Variants in FGF14 observed in about 807,000 individuals in gnomAD.
The protein encoded by FGF14 is fibroblast growth factor 14.
FGF14 carries 5 observed loss-of-function variants against 25.5 expected under a neutral mutation model. The ratio of observed to expected loss-of-function variants is 0.20; its 90% confidence interval spans 0.10 to 0.41. The LOEUF (loss-of-function observed/expected upper bound fraction) is 0.41. FGF14 is among the 10% of genes least tolerant of loss of function. The pLI, the probability that FGF14 is intolerant of heterozygous loss-of-function variation, is 1.00. For missense variants in FGF14, 222 were observed against 320.1 expected, an observed-to-expected ratio of 0.69 and a Z score of 2.34; for synonymous variants, 138 against 118.3, an observed-to-expected ratio of 1.17 and a Z score of -1.08.
chr13:102,014,658 A>G (rs1354336968), intron 1 of FGF14, among the ~76,000 whole-genome samples: 1 of 152,208 alleles, frequency 6.6e-6, no homozygotes, highest in Non-Finnish European at 1.5e-5. Flanking sequence ...ATGGCTTTTG[A>G]TTATTCAAAA....
chr13:102,054,081 G>A (rs972122214), intron 1 of FGF14, among the ~76,000 whole-genome samples: 2 of 152,224 alleles, frequency 1.3e-5, no homozygotes, highest in African/African-American at 4.8e-5. Flanking sequence ...TATAGATTTT[G>A]CAGCATCCTT....
intron 1 of FGF14, among the ~76,000 whole-genome samples, chr13:102,032,504 A>C (rs1274780768): frequency 1.3e-5 from 2 of 152,166 alleles, no homozygotes; most frequent in Non-Finnish European, 2.9e-5. Context: ...ATTTTGAGTA[A>C]TGACATAGTT....
At position 102,089,444 on chromosome 13, in the gene FGF14, T is replaced by C. The variant is rs1373965974; in HGVS notation, c.209-214148A>G. Among the ~76,000 whole-genome samples, 5 of 152,200 alleles carry C rather than the reference T, an allele frequency of 3.3e-5. No individual in the cohort carries two copies. The East Asian group carries it at 7.7e-4, about 23-fold the overall frequency. On this transcript the variant is annotated intron_variant, in intron 1 of 4. Transcript: ENST00000376131. ...CCATTCATGCCCTGCAGTGTGACTA[T>C]AAGAAGCACTAATATACCTGGATAA...
chr13:102,229,122 C>A (rs1230756957), intron 1 of FGF14, among the ~76,000 whole-genome samples: 1 of 152,132 alleles, frequency 6.6e-6, no homozygotes, highest in Admixed American at 6.5e-5. Context: ...ACGTAGAAGA[C>A]CTAGAAGGAG....
chr13:102,126,529 G>A (rs2045956338), intron 1 of FGF14, among the ~76,000 whole-genome samples: 1 of 152,142 alleles, frequency 6.6e-6, no homozygotes, highest in Non-Finnish European at 1.5e-5. Flanking sequence ...AATCAACACT[G>A]GAGAACAAGT....
intron 1 of FGF14, among the ~76,000 whole-genome samples, chr13:102,352,000 T>A (rs1252320408): frequency 1.3e-5 from 2 of 152,220 alleles, no homozygotes; most frequent in African/African-American, 4.8e-5. Context: ...AGGACTTGAA[T>A]GCAAGTCCCA....
At chr13:102,160,136 G>A (rs611999) in intron 1 of FGF14, among the ~76,000 whole-genome samples, 3,982 of 152,178 alleles carry the variant, frequency 0.026, 174 homozygotes, top group African/African-American at 0.091. Flanking sequence ...AGAAGGGAAG[G>A]AAATAAGGGT....
intron 1 of FGF14, among the ~76,000 whole-genome samples, chr13:102,200,462 A>G (rs2049565161): frequency 6.6e-6 from 1 of 152,216 alleles, no homozygotes; most frequent in African/African-American, 2.4e-5. Context: ...GCTATACACC[A>G]TAAAAAATGC....
intron 1 of FGF14, among the ~76,000 whole-genome samples, chr13:102,000,342 C>A (rs2039423878): frequency 6.6e-6 from 1 of 152,088 alleles, no homozygotes; most frequent in South Asian, 2.1e-4. Flanking sequence ...AAAAAAATCT[C>A]ATGTTCTAGA....
Position 101,717,637 on chromosome 13 carries a change from G to C in FGF14, c.*5194C>G, listed in dbSNP as rs1056397249. On this transcript the variant is annotated 3_prime_UTR_variant, in exon 5 of 5. Coordinates refer to ENST00000376143, the MANE Select transcript of FGF14 (RefSeq NM_004115.4). ...AAGGATCAGAAAGTTAAACTTTACG[G>C]ACCACGTACGTCCCTGTCTCATATT... 6.6e-6 allele frequency: 1 copy of C among 151,762 alleles called. No homozygotes were observed. The highest frequency in any genetic ancestry group is 1.5e-5 in the Non-Finnish European group (1 of 67,928). 9.4% of individuals were successfully genotyped at this position (151,762 alleles called of 1,614,324 possible). A position where few individuals can be genotyped will look rare whatever the true frequency, so the allele number is the denominator to read the frequency against.
intron 1 of FGF14, among the ~76,000 whole-genome samples, chr13:102,257,577 C>G (rs538961587): frequency 6.6e-6 from 1 of 152,004 alleles, no homozygotes; most frequent in South Asian, 2.1e-4. Flanking sequence ...AAGTGATCCA[C>G]CTGCCTTGGC....
chr13:102,145,747 T>G (rs1426612141), intron 1 of FGF14, among the ~76,000 whole-genome samples: 2 of 152,170 alleles, frequency 1.3e-5, no homozygotes, highest in African/African-American at 2.4e-5. Flanking sequence ...ATCAGTAGAT[T>G]AATAAAATTA....
At chr13:102,318,997 A>G (rs2138741059) in intron 1 of FGF14, among the ~76,000 whole-genome samples, 1 of 152,312 alleles carries the variant, frequency 6.6e-6, no homozygotes, top group Admixed American at 6.5e-5. Context: ...ACCATTGAGC[A>G]TTGAAGACTA....
At chr13:102,330,977 A>G (rs1483637310) in intron 1 of FGF14, among the ~76,000 whole-genome samples, 1 of 152,246 alleles carries the variant, frequency 6.6e-6, no homozygotes, top group Non-Finnish European at 1.5e-5. Flanking sequence ...ATTATAGCAT[A>G]GTGCTTAATT....
At chr13:102,259,420 C>T (rs1231232221) in intron 1 of FGF14, among the ~76,000 whole-genome samples, 1 of 152,020 alleles carries the variant, frequency 6.6e-6, no homozygotes, top group African/African-American at 2.4e-5. Context: ...TCTATGTTGT[C>T]CATCCAACAT....
chr13:101,840,915 G>A (rs2140316845), intron 3 of FGF14, among the ~76,000 whole-genome samples: 1 of 151,994 alleles, frequency 6.6e-6, no homozygotes, highest in East Asian at 1.9e-4. Context: ...CCATTATCGG[G>A]GCAATTATCC....
chr13:102,287,176 T>C (rs1381913419), intron 1 of FGF14, among the ~76,000 whole-genome samples: 5 of 151,576 alleles, frequency 3.3e-5, no homozygotes, highest in African/African-American at 1.2e-4. Context: ...GAGAAAAAAA[T>C]AGTGATAGCG....
At chr13:102,050,683 C>T (rs1406277107) in intron 1 of FGF14, among the ~76,000 whole-genome samples, 3 of 151,854 alleles carry the variant, frequency 2.0e-5, no homozygotes, top group East Asian at 3.9e-4. Context: ...CCCACACACA[C>T]AAAAAGAAAA....
chr13:102,265,953 T>G (rs1357486345), intron 1 of FGF14, among the ~76,000 whole-genome samples: 3 of 151,998 alleles, frequency 2.0e-5, no homozygotes, highest in Non-Finnish European at 4.4e-5. Flanking sequence ...AAAAATTGAT[T>G]AAAATAATTA....
Sources: allele counts gnomAD v4.1 joint callset (sites outside exome capture counted in the v4.1 genomes callset), GRCh38; gene constraint gnomAD v4.1.1; transcripts MANE v1.5; gene names NCBI Gene and HGNC (gene_info 2026-07-23, HGNC 2026-07-21).